Variants in SCARB2 observed in about 807,000 individuals in gnomAD.
The protein encoded by SCARB2 is scavenger receptor class B member 2, also known as lysosome membrane protein 2.
Under a neutral mutation model 58.6 loss-of-function variants are expected in SCARB2, and 29 were observed. The ratio of observed to expected loss-of-function variants is 0.49; its 90% CI spans 0.37 to 0.67. SCARB2 has a LOEUF of 0.67. Among genes scored for constraint, SCARB2 ranks in the 30% least tolerant of loss-of-function variants. SCARB2 has a pLI of 0.00. For missense variants in SCARB2, 488 were observed against 578.5 expected (o/e 0.84, Z 1.60); for synonymous variants, 195 against 210.1 (o/e 0.93, Z 0.62).
At position 76,227,096 on chromosome 4, in the gene SCARB2, A is replaced by G. The variant is rs1262774336; in HGVS notation, c.-358+7207T>C. ...GGGTTTGGTTTGTTCTTGTTTCTCT[A>G]GTTTCTTGAGGTGTGACCTTAGAGT... On this transcript the variant is annotated intron_variant, in intron 1 of 11. Transcript: ENST00000638295. Among the ~76,000 whole-genome samples, 4 of 151,396 alleles carry G rather than the reference A, an allele frequency of 2.6e-5. No homozygotes were observed. In the South Asian group the frequency reaches 6.3e-4, roughly 24 times the overall value.
At chr4:76,172,886 TAC>T (rs1295802026) in intron 7 of SCARB2, 7 of 152,078 alleles carry the variant, frequency 4.6e-5, no homozygotes, top group African/African-American at 1.7e-4. Context: ...AGAAAGGGAC[TAC>T]ACAGAGAGCT....
chr4:76,222,072 G>A (rs1733319060), intron 1 of SCARB2, among the ~76,000 whole-genome samples: 1 of 152,192 alleles, frequency 6.6e-6, no homozygotes, highest in South Asian at 2.1e-4. Context: ...TTAAGAATGA[G>A]GCCTACACAG....
At chr4:76,233,829 C>A (rs28476470) in intron 1 of SCARB2, among the ~76,000 whole-genome samples, 6 of 152,060 alleles carry the variant, frequency 3.9e-5, no homozygotes, top group Non-Finnish European at 8.8e-5. Flanking sequence ...AGAACCAAAA[C>A]TTTGCAGATA....
At chr4:76,213,827 A>T (rs1733134858), upstream of SCARB2, 1 of 272,716 alleles carries the variant, frequency 3.7e-6, no homozygotes, top group Non-Finnish European at 6.8e-6. Context: ...GGGAGAGTGC[A>T]GGGAGCGCGC....
At chr4:76,168,155 T>G (rs1198746635) in intron 9 of SCARB2, among the ~76,000 whole-genome samples, 1 of 152,264 alleles carries the variant, frequency 6.6e-6, no homozygotes, top group Non-Finnish European at 1.5e-5. Flanking sequence ...CAAGGTTATA[T>G]GTGAATCCAC....
At chr4:76,213,145 A>C in intron 1 of SCARB2, 2 of 423,618 alleles carry the variant, frequency 4.7e-6, no homozygotes, top group Non-Finnish European at 4.4e-6. Flanking sequence ...TGTAGACGGA[A>C]GGAGTGGGGA....
intron 2 of SCARB2, among the ~76,000 whole-genome samples, chr4:76,187,671 G>A (rs1732517807): frequency 6.6e-6 from 1 of 152,048 alleles, no homozygotes; most frequent in African/African-American, 2.4e-5. Flanking sequence ...ACTCATCCAT[G>A]GAAAAATGGC....
intron 1 of SCARB2, among the ~76,000 whole-genome samples, chr4:76,206,696 A>G (rs1163473697): frequency 6.6e-6 from 1 of 151,324 alleles, no homozygotes; most frequent in Admixed American, 6.6e-5. Flanking sequence ...GAGCTTTCAT[A>G]CTAGATTAAA....
In SCARB2 at chr4:76,200,961, A is replaced by G. The variant is rs145256418; in HGVS notation, c.118-5097T>C. ...ATGCTTCATCCATCTCAGGCTTCAG[A>G]GAAGCCTGTCAAAAGTGCCTAAGGG... On this transcript the variant is annotated intron_variant, in intron 1 of 11. Coordinates refer to ENST00000264896, the MANE Select transcript of SCARB2 (RefSeq NM_005506.4). 8.1e-3 allele frequency among the ~76,000 whole-genome samples: 1,237 copies of G among 152,280 alleles called. 16 individuals are homozygous for G. The highest frequency in any genetic ancestry group is 0.028 in the African/African-American group (1,150 of 41,542).
At chr4:76,230,137 A>G (rs1733468499) in intron 1 of SCARB2, among the ~76,000 whole-genome samples, 1 of 152,140 alleles carries the variant, frequency 6.6e-6, no homozygotes, top group South Asian at 2.1e-4. Context: ...ATGGGTAGAG[A>G]AAAACCATGA....
chr4:76,162,198 T>G, intron 11 of SCARB2: 1 of 177,370 alleles, frequency 5.6e-6, no homozygotes, highest in Non-Finnish European at 1.2e-5. Flanking sequence ...CTGCATAAAG[T>G]CACACTGGAA....
intron 1 of SCARB2, 42 bp downstream of exon 1, chr4:76,213,385 C>G: frequency 1.5e-6 from 2 of 1,363,530 alleles, no homozygotes. Flanking sequence ...GGAGGGTGAG[C>G]TGGACGACTC....
At chr4:76,193,528 C>A (rs983458488) in intron 2 of SCARB2, 6 of 152,252 alleles carry the variant, frequency 3.9e-5, no homozygotes, top group African/African-American at 1.4e-4. Context: ...CCTTGGGAGC[C>A]CACCCCTTGC....
At position 76,167,680 on chromosome 4, in the gene SCARB2, C is replaced by T. The variant is rs1474755476; in HGVS notation, c.1187+723G>A. ...TCCTTTCCCTCCCTCCCTCCCCCCC[C>T]CCGCTTTTTTTTTTTTTCCTGAGAC... On this transcript the variant is annotated intron_variant, in intron 9 of 11. Transcript: ENST00000264896. Among the ~76,000 whole-genome samples, 9 of 124,394 alleles carry T rather than the reference C, an allele frequency of 7.2e-5. 1 individual carries two copies. The highest frequency in any genetic ancestry group is 1.4e-4 in the African/African-American group (4 of 29,146). 81.6% of individuals were successfully genotyped at this position (124,394 alleles called of 152,430 possible).
intron 1 of SCARB2, among the ~76,000 whole-genome samples, chr4:76,233,201 T>C (rs1733522301): frequency 1.3e-5 from 2 of 152,224 alleles, no homozygotes; most frequent in Non-Finnish European, 2.9e-5. Context: ...TAAAACCTGG[T>C]AAGTTGTTCT....
At chr4:76,179,433 A>T in intron 4 of SCARB2, 84 bp downstream of exon 4, 1 of 975,502 alleles carries the variant, frequency 1.0e-6, no homozygotes, top group Non-Finnish European at 1.7e-6. Flanking sequence ...AATTTCTAGA[A>T]GAAACTCAAA....
chr4:76,223,146 A>G (rs1263897491), intron 1 of SCARB2, among the ~76,000 whole-genome samples: 1 of 152,220 alleles, frequency 6.6e-6, no homozygotes, highest in East Asian at 1.9e-4. Context: ...TTTGTACACC[A>G]TTCAGTAAAA....
At chr4:76,173,867 C>A in intron 7 of SCARB2, 1 of 399,600 alleles carries the variant, frequency 2.5e-6, no homozygotes, top group Non-Finnish European at 4.6e-6. Context: ...CATTCAATAG[C>A]CATGTTATGA....
chr4:76,205,786 T>C (rs764364815), intron 1 of SCARB2, among the ~76,000 whole-genome samples: 2 of 152,210 alleles, frequency 1.3e-5, no homozygotes, highest in African/African-American at 4.8e-5. Context: ...CCCTCCCCCA[T>C]TTCTGTTAAA....
Sources: allele counts gnomAD v4.1 joint callset (sites outside exome capture counted in the v4.1 genomes callset), GRCh38; gene constraint gnomAD v4.1.1; transcripts MANE v1.5; gene names NCBI Gene and HGNC (gene_info 2026-07-23, HGNC 2026-07-21).